Variants in ADAMTSL1 observed in about 807,000 individuals in gnomAD.
The protein encoded by ADAMTSL1 is ADAMTS-like protein 1.
ADAMTSL1 carries 126 observed loss-of-function variants against 201.8 expected under a neutral mutation model. The observed-to-expected ratio is 0.62, with a 90% CI of 0.54 to 0.72. ADAMTSL1 has a LOEUF of 0.72. Ranked by LOEUF, ADAMTSL1 falls within the 30% of genes least tolerant of loss-of-function variation. ADAMTSL1 has a pLI of 0.00. For missense variants in ADAMTSL1, 2,679 were observed against 2,277.8 expected (o/e 1.18, Z -3.59); for synonymous variants, 1,121 against 903.4 (o/e 1.24, Z -4.32).
intron 2 of ADAMTSL1, among the ~76,000 whole-genome samples, chr9:18,186,334 C>G (rs978023003): frequency 6.6e-6 from 1 of 152,104 alleles, no homozygotes; most frequent in Admixed American, 6.6e-5. Context: ...TATAACCTTC[C>G]TATAAACTTG....
intron 1 of ADAMTSL1, among the ~76,000 whole-genome samples, chr9:17,963,157 G>C (rs1817827087): frequency 6.6e-6 from 1 of 152,162 alleles, no homozygotes; most frequent in African/African-American, 2.4e-5. Context: ...CTCCCTTTCT[G>C]AGGCTGAAGT....
chr9:18,010,005 A>G (rs924632863), intron 1 of ADAMTSL1, among the ~76,000 whole-genome samples: 6 of 152,170 alleles, frequency 3.9e-5, no homozygotes, highest in African/African-American at 1.2e-4. Flanking sequence ...CCATGCATCA[A>G]TGATATGGGA....
intron 15 of ADAMTSL1, among the ~76,000 whole-genome samples, chr9:18,733,795 C>T (rs1301675039): frequency 6.6e-6 from 1 of 151,972 alleles, no homozygotes; most frequent in African/African-American, 2.4e-5. Context: ...TATTCTCAGT[C>T]ACCTTGCCTT....
At chr9:18,558,118 T>C (rs776559097) in intron 3 of ADAMTSL1, among the ~76,000 whole-genome samples, 15 of 152,018 alleles carry the variant, frequency 9.9e-5, no homozygotes, top group Non-Finnish European at 2.2e-4. Context: ...CATCAACCCA[T>C]CATCTACATT....
intron 2 of ADAMTSL1, among the ~76,000 whole-genome samples, chr9:18,459,181 A>G (rs1027564955): frequency 1.3e-5 from 2 of 152,248 alleles, no homozygotes; most frequent in Non-Finnish European, 2.9e-5. Flanking sequence ...ACATTCATTA[A>G]ATAAATATTA....
chr9:18,630,308 A>G (rs776843577), intron 5 of ADAMTSL1, among the ~76,000 whole-genome samples: 11 of 152,192 alleles, frequency 7.2e-5, no homozygotes, highest in Non-Finnish European at 1.5e-4. Flanking sequence ...TCAGCCCTGT[A>G]TGAGCACCGT....
intron 2 of ADAMTSL1, among the ~76,000 whole-genome samples, chr9:18,416,779 CA>C (rs1219113882): frequency 6.6e-6 from 1 of 151,894 alleles, no homozygotes; most frequent in East Asian, 1.9e-4. Context: ...ATGCTTAAAG[CA>C]AAATCTGGGT....
At chr9:17,923,883 C>T (rs1402115302) in intron 1 of ADAMTSL1, among the ~76,000 whole-genome samples, 1 of 112,952 alleles carries the variant, frequency 8.9e-6, no homozygotes, top group African/African-American at 3.3e-5. Context: ...TTGAGATAAT[C>T]ATGTGGTTTT....
chr9:18,060,868 T>C (rs928402088), intron 1 of ADAMTSL1, among the ~76,000 whole-genome samples: 2 of 152,204 alleles, frequency 1.3e-5, no homozygotes, highest in African/African-American at 4.8e-5. Context: ...TTGTCCTTGC[T>C]TTACCAGAAA....
chr9:18,237,990 G>C (rs11795321), intron 2 of ADAMTSL1, among the ~76,000 whole-genome samples: 1 of 152,308 alleles, frequency 6.6e-6, no homozygotes, highest in South Asian at 2.1e-4. Context: ...ACACTGCTTT[G>C]CCCTCTAGAG....
intron 2 of ADAMTSL1, among the ~76,000 whole-genome samples, chr9:18,407,334 G>A (rs1818248070): frequency 6.6e-6 from 1 of 152,170 alleles, no homozygotes; most frequent in Non-Finnish European, 1.5e-5. Flanking sequence ...AAAAGCATGA[G>A]GGAACATGGT....
chr9:18,550,747 C>T (rs988294976), intron 3 of ADAMTSL1, among the ~76,000 whole-genome samples: 18 of 151,764 alleles, frequency 1.2e-4, no homozygotes, highest in Non-Finnish European at 1.8e-4. Context: ...TAAGCACCTA[C>T]GTTTATGATA....
intron 2 of ADAMTSL1, among the ~76,000 whole-genome samples, chr9:18,263,666 T>C (rs1832010817): frequency 6.6e-6 from 1 of 152,144 alleles, no homozygotes; most frequent in Admixed American, 6.5e-5. Context: ...GGGGCTGTAT[T>C]TGGAGATGGA....
Position 18,591,738 on chromosome 9 carries a change from A to G in ADAMTSL1, c.474+17472A>G, listed in dbSNP as rs115216807. On this transcript the variant is annotated intron_variant, in intron 4 of 28. Coordinates refer to ENST00000380548, the MANE Select transcript of ADAMTSL1 (RefSeq NM_001040272.6). ...TTTATTAACCAGAATAGGAGCCATT[A>G]CAATCAGTACATTTTGGCCAATGAG... 9.6e-3 allele frequency among the ~76,000 whole-genome samples: 1,457 copies of G among 152,314 alleles called. 21 individuals are homozygous for G. Among genetic ancestry groups the G allele is most frequent in the African/African-American group, 0.034 (1,395 of 41,580 alleles).
intron 4 of ADAMTSL1, among the ~76,000 whole-genome samples, chr9:18,596,080 T>G (rs577245929): frequency 1.8e-3 from 272 of 152,334 alleles, no homozygotes; most frequent in African/African-American, 6.3e-3. Flanking sequence ...AAGACAGTTT[T>G]GAAACTGAAA....
At chr9:18,573,750 A>G (rs1822501454) in intron 3 of ADAMTSL1, among the ~76,000 whole-genome samples, 1 of 152,222 alleles carries the variant, frequency 6.6e-6, no homozygotes, top group Non-Finnish European at 1.5e-5. Flanking sequence ...CTTTCAAAAA[A>G]TGTATGTCCC....
intron 1 of ADAMTSL1, among the ~76,000 whole-genome samples, chr9:17,987,584 G>T (rs1044657691): frequency 6.6e-6 from 1 of 151,940 alleles, no homozygotes; most frequent in Admixed American, 6.6e-5. Context: ...TTTTTAAAAG[G>T]GCTGGGCAGG....
chr9:18,574,179 C>A lies in ADAMTSL1; in HGVS notation c.387C>A (p.Thr129=). The change falls in exon 4 of 29, where the codon ACC becomes ACA. Residue 129 remains threonine, a synonymous_variant. Coordinates refer to ENST00000380548, the MANE Select transcript of ADAMTSL1 (RefSeq NM_001040272.6). ...TCAAGTGCCAAGCCAAAGGAACAAC[C>A]CTGGTTGTTGAACTAGCACCTAAGG... ...CSLKCQAKGT[T]LVVELAPKVL... is the part of the protein sequence containing the mutation. The A allele has an allele frequency of 1.9e-6, 3 of 1,614,112 alleles. No homozygotes were observed. The highest frequency in any genetic ancestry group is 1.7e-5 in the Admixed American group (1 of 60,008).
intron 1 of ADAMTSL1, among the ~76,000 whole-genome samples, chr9:18,099,377 T>C (rs1339836503): frequency 4.4e-4 from 49 of 110,260 alleles, no homozygotes; most frequent in African/African-American, 1.7e-3. Flanking sequence ...TTTTTTAACA[T>C]CCATTAATTT....
Sources: gnomAD v4.1 joint callset for allele counts (sites outside exome capture counted in the v4.1 genomes callset) on GRCh38, gnomAD v4.1.1 for gene constraint, MANE v1.5 for transcripts, NCBI Gene and HGNC (gene_info 2026-07-23, HGNC 2026-07-21) for gene names.